Variants in GORASP2 observed in about 807,000 individuals in gnomAD.
GORASP2 encodes Golgi reassembly-stacking protein 2.
Under a neutral mutation model 45.7 loss-of-function variants are expected in GORASP2, and 22 were observed. The observed-to-expected ratio is 0.48, with a 90% confidence interval of 0.34 to 0.69. The LOEUF (loss-of-function observed/expected upper bound fraction) is 0.69, where lower values mean the gene tolerates loss of function less well. Ranked by LOEUF, GORASP2 falls within the 30% of genes least tolerant of loss-of-function variation. The probability of loss-of-function intolerance (pLI) is 0.01; values close to 1 mark genes in which losing one functional copy is unlikely to be tolerated. For missense variants in GORASP2, 491 were observed against 562.7 expected (o/e 0.87, Z 1.29); for synonymous variants, 221 against 215.6 (o/e 1.02, Z -0.22).
At chr2:170,965,753 C>T (rs1704669626) in intron 9 of GORASP2, 37 bp from the exon 10 acceptor site, 1 of 1,388,056 alleles carries the variant, frequency 7.2e-7, no homozygotes, top group Non-Finnish European at 1.0e-6. Context: ...CCTTTCAGTG[C>T]TGGGAGGATG....
chr2:170,930,333 G>T (rs1014114761), intron 1 of GORASP2, among the ~76,000 whole-genome samples: 5 of 152,210 alleles, frequency 3.3e-5, no homozygotes, highest in African/African-American at 1.2e-4. Context: ...TGACACCTGT[G>T]TGAGTGTTAA....
intron 1 of GORASP2, among the ~76,000 whole-genome samples, chr2:170,934,985 G>C (rs998446056): frequency 6.6e-6 from 1 of 152,128 alleles, no homozygotes; most frequent in African/African-American, 2.4e-5. Context: ...TGATCCACAG[G>C]CCTCGGCCTC....
chr2:170,930,580 A>G (rs1703795922), intron 1 of GORASP2, among the ~76,000 whole-genome samples: 1 of 152,060 alleles, frequency 6.6e-6, no homozygotes, highest in African/African-American at 2.4e-5. Context: ...GATCTTCCGG[A>G]TTATCGTGTC....
intron 1 of GORASP2, among the ~76,000 whole-genome samples, chr2:170,933,816 C>T (rs780804048): frequency 1.3e-5 from 2 of 152,152 alleles, no homozygotes; most frequent in South Asian, 2.1e-4. Flanking sequence ...CTTTCTCATG[C>T]TTGCTTCTGG....
chr2:170,963,341 C>T (rs1282642863), intron 9 of GORASP2, among the ~76,000 whole-genome samples: 1 of 149,324 alleles, frequency 6.7e-6, no homozygotes, highest in Non-Finnish European at 1.5e-5. Flanking sequence ...CACTACTGCA[C>T]TCCAGCCTGG....
chr2:170,941,587 G>T (rs1704078773), intron 1 of GORASP2, among the ~76,000 whole-genome samples: 1 of 152,108 alleles, frequency 6.6e-6, no homozygotes, highest in African/African-American at 2.4e-5. Flanking sequence ...GATGAGTTTG[G>T]CCTGTTCTTG....
chr2:170,964,805 A>G (rs537926079), intron 9 of GORASP2, among the ~76,000 whole-genome samples: 1 of 151,580 alleles, frequency 6.6e-6, no homozygotes, highest in South Asian at 2.1e-4. Context: ...GGATTTCACC[A>G]GCTGGTGGTT....
chr2:170,936,553 C>T (rs1381144336), intron 1 of GORASP2: 9 of 895,878 alleles, frequency 1.0e-5, no homozygotes, highest in Non-Finnish European at 1.4e-5. Flanking sequence ...GTACATTTCC[C>T]TGTTGGCATT....
chr2:170,929,376 G>T lies in GORASP2; in HGVS notation c.36G>T (p.Gly12=). The T allele has an allele frequency of 7.1e-7, 1 of 1,416,372 alleles. No homozygotes were observed. The highest frequency in any genetic ancestry group is 1.6e-5 in the South Asian group (1 of 63,668). 87.7% of individuals were successfully genotyped at this position (1,416,372 alleles called of 1,614,324 possible). The change falls in exon 1 of 10, where the codon GGG becomes GGT. Residue 12 remains glycine, a synonymous_variant. Transcript: ENST00000234160. ...CGCAAAGCGTCGAGATCCCGGGCGG[G>T]GGCACCGAGGGCTACCACGTTCTGC... ...GSSQSVEIPG[G]GTEGYHVLRV... is the part of the protein sequence containing the mutation.
At chr2:170,950,452 G>T (rs562618797) in intron 4 of GORASP2, among the ~76,000 whole-genome samples, 162 bp downstream of exon 4, 1 of 152,204 alleles carries the variant, frequency 6.6e-6, no homozygotes, top group South Asian at 2.1e-4. Flanking sequence ...CATCTGGTAG[G>T]TGTCTTATTA....
At chr2:170,955,016 A>G (rs998139373) in intron 6 of GORASP2, among the ~76,000 whole-genome samples, 2 of 152,174 alleles carry the variant, frequency 1.3e-5, no homozygotes, top group Non-Finnish European at 2.9e-5. Flanking sequence ...TCATCAGCAA[A>G]GAGAGGGTAA....
intron 7 of GORASP2, among the ~76,000 whole-genome samples, chr2:170,959,251 C>A (rs749775940): frequency 6.6e-6 from 1 of 151,574 alleles, no homozygotes; most frequent in Non-Finnish European, 1.5e-5. Context: ...CATGAGCCAT[C>A]GTGCCCGGCC....
Position 170,964,081 on chromosome 2 carries a change from G to A in GORASP2, c.1018+1135G>A, listed in dbSNP as rs569141501. Among the ~76,000 whole-genome samples the A allele has an allele frequency of 3.3e-5, 5 of 152,332 alleles. No individual in the cohort carries two copies. In the South Asian group the frequency reaches 8.3e-4, roughly 25 times the overall value. On this transcript the variant is annotated intron_variant, in intron 9 of 9. Coordinates refer to ENST00000234160, the MANE Select transcript of GORASP2 (RefSeq NM_015530.5). ...GTCTACGGTAGCAGATATTCCAAGT[G>A]TCTGCACTCAGATTTTCTGTCTGAA...
At chr2:170,948,690 ATAAT>A (rs950234916) in intron 2 of GORASP2, 32 of 235,786 alleles carry the variant, frequency 1.4e-4, no homozygotes, top group South Asian at 4.4e-4. Flanking sequence ...GCAGAAAGAA[ATAAT>A]TAAGATGTAA....
intron 1 of GORASP2, among the ~76,000 whole-genome samples, chr2:170,930,593 T>G (rs1426794295): frequency 1.3e-5 from 2 of 152,202 alleles, no homozygotes; most frequent in African/African-American, 4.8e-5. Flanking sequence ...ATCGTGTCTA[T>G]TGCCTTTCCA....
intron 1 of GORASP2, among the ~76,000 whole-genome samples, chr2:170,943,259 C>T (rs1704116537): frequency 6.6e-6 from 1 of 152,178 alleles, no homozygotes; most frequent in South Asian, 2.1e-4. Flanking sequence ...AATGGTTTGT[C>T]TCTCTTTCCT....
rs1381798564 is a variant in GORASP2 at position 170,956,480 on chromosome 2, A to C, written c.744A>C (p.Gly248=). The change falls in exon 7 of 10, where the codon GGA becomes GGC. Residue 248 remains glycine, a synonymous_variant. Transcript: ENST00000234160. ...ATCCCCCGTCTTTGTCACCACCAGG[A>C]ACTACAGGAATTGAACAGAGTCTGA... is the stretch of plus-strand genomic sequence containing the variant. ...SVNPPSLSPP[G]TTGIEQSLTG... The C allele has an allele frequency of 6.2e-7, 1 of 1,613,284 alleles. No homozygotes were observed. The highest frequency in any genetic ancestry group is 1.7e-5 in the Admixed American group (1 of 59,994).
Position 170,929,373 on chromosome 2 carries a change from CG to C in GORASP2, c.38del (p.Gly13AlafsTer36), listed in dbSNP as rs1246762018. The C allele has an allele frequency of 1.4e-6, 2 of 1,413,456 alleles. No homozygotes were observed. The highest frequency in any genetic ancestry group is 1.6e-5 in the South Asian group (1 of 63,270). 87.6% of individuals were successfully genotyped at this position (1,413,456 alleles called of 1,614,324 possible). ...GSSQSVEIPG[G>X]GTEGYHVLRV... ...CCTCGCAAAGCGTCGAGATCCCGGG[CG>C]GGGGCACCGAGGGCTACCACGTTCT... is the stretch of plus-strand genomic sequence containing the variant. On this transcript the variant is annotated frameshift_variant, in exon 1 of 10. Coordinates refer to ENST00000234160, the MANE Select transcript of GORASP2 (RefSeq NM_015530.5). LOFTEE classifies it high-confidence loss of function.
intron 1 of GORASP2, among the ~76,000 whole-genome samples, chr2:170,942,682 CA>C (rs1172728982): frequency 1.3e-5 from 2 of 152,124 alleles, no homozygotes; most frequent in Non-Finnish European, 2.9e-5. Context: ...CAGGTTTTTG[CA>C]TGGAGATATA....
Sources: gnomAD v4.1 joint callset for allele counts (sites outside exome capture counted in the v4.1 genomes callset) on GRCh38, gnomAD v4.1.1 for gene constraint, MANE v1.5 for transcripts, NCBI Gene and HGNC (gene_info 2026-07-23, HGNC 2026-07-21) for gene names.